The following IMPG2 variants were observed in gnomAD, a reference collection of about 807,000 sequenced individuals.
IMPG2 encodes the protein IPM 200.
A neutral mutation model predicts 129.2 loss-of-function variants in IMPG2; 91 were observed. The observed-to-expected ratio is 0.70, with a 90% CI of 0.59 to 0.84. The LOEUF (loss-of-function observed/expected upper bound fraction) is 0.84. Among genes scored for constraint, IMPG2 ranks in the 40% least tolerant of loss-of-function variants. The pLI, the probability that IMPG2 is intolerant of heterozygous loss-of-function variation, is 0.00. For synonymous variants in IMPG2, 510 were observed against 517.7 expected (o/e 0.99, Z 0.20); for missense variants, 1,430 against 1,461.7 (o/e 0.98, Z 0.35).
At chr3:101,267,433 C>G in intron 9 of IMPG2, 78 bp downstream of exon 9, 1 of 1,191,826 alleles carries the variant, frequency 8.4e-7, no homozygotes. Flanking sequence ...GAGTTATGCT[C>G]CCCTGGACCT....
chr3:101,268,550 T>G (rs1222665846), intron 8 of IMPG2, among the ~76,000 whole-genome samples: 1 of 152,164 alleles, frequency 6.6e-6, no homozygotes, highest in Non-Finnish European at 1.5e-5. Context: ...GTTTCCTTAT[T>G]GGAAAATATG....
Position 101,244,660 on chromosome 3 carries a change from A to G in IMPG2, c.1671T>C (p.Ser557=), listed in dbSNP as rs1178947132. 1.9e-6 allele frequency: 3 copies of G among 1,613,958 alleles called. No individual in the cohort carries two copies. The African/African-American group carries it at 4.0e-5, about 22-fold the overall frequency. The change falls in exon 13 of 19, where the codon TCT becomes TCC. Residue 557 remains serine (S), a synonymous_variant. Transcript: ENST00000193391. ...GTATAGAAGAGGTCAGATATGGTGA[A>G]GATGTTAAGGACACATCAGAGTCTT... ...SMEDSDVSLT[S]SPYLTSSIPF... is the part of the protein sequence containing the mutation.
intron 2 of IMPG2, among the ~76,000 whole-genome samples, chr3:101,316,271 G>A (rs895139068): frequency 6.6e-6 from 1 of 151,976 alleles, no homozygotes; most frequent in Admixed American, 6.6e-5. Flanking sequence ...TTTATCAAAT[G>A]TTAAAACTTC....
chr3:101,311,959 CA>C (rs1707266676), intron 2 of IMPG2, among the ~76,000 whole-genome samples: 1 of 151,758 alleles, frequency 6.6e-6, no homozygotes, highest in Non-Finnish European at 1.5e-5. Context: ...GCCTTTTCGA[CA>C]AATGGTGCTT....
rs756868988 is a variant in IMPG2 at position 101,257,736 on chromosome 3, C to T, written c.946G>A (p.Glu316Lys). Residue 316 changes from glutamate to lysine, a missense_variant, in exon 10 of 19, where the codon GAG becomes AAG. Physicochemically the swap from Glu to Lys is moderately conservative, Grantham distance 56. Transcript: ENST00000193391. ...TCCCAGGTGGTATTGCTGATGGCCT[C>T]ACCATTGAAGGTAACTGCATAGTAA... is the stretch of plus-strand genomic sequence containing the variant. Reference protein sequence around the residue: ...DVYYAVTFNGEAISNTTWDLI... With the variant: ...DVYYAVTFNGKAISNTTWDLI... 5 of 1,613,230 alleles carry T rather than the reference C, an allele frequency of 3.1e-6. No homozygotes were observed. Among genetic ancestry groups the T allele is most frequent in the South Asian group, 2.2e-5 (2 of 91,064 alleles).
intron 3 of IMPG2, 68 bp from the exon 4 acceptor site, chr3:101,291,578 T>C (rs766699401): frequency 9.4e-5 from 109 of 1,164,106 alleles, no homozygotes; most frequent in Non-Finnish European, 1.3e-4. Flanking sequence ...TAAAACTTAT[T>C]TCATAGAGAC....
intron 2 of IMPG2, among the ~76,000 whole-genome samples, chr3:101,312,639 T>C (rs771037047): frequency 1.3e-5 from 2 of 152,078 alleles, no homozygotes; most frequent in African/African-American, 2.4e-5. Flanking sequence ...AAAGTTACTA[T>C]ATGACCCAGA....
At chr3:101,273,420 G>A (rs1706808144) in intron 7 of IMPG2, among the ~76,000 whole-genome samples, 161 bp downstream of exon 7, 1 of 152,182 alleles carries the variant, frequency 6.6e-6, no homozygotes, top group African/African-American at 2.4e-5. Context: ...TCTGTCCTAT[G>A]ACTTTTCACA....
Position 101,257,695 on chromosome 3 carries a change from G to A in IMPG2, c.987C>T (p.His329=). The A allele has an allele frequency of 6.2e-7, 1 of 1,613,460 alleles. No homozygotes were observed. The highest frequency in any genetic ancestry group is 8.5e-7 in the Non-Finnish European group (1 of 1,179,576). Reference sequence around the variant, plus strand: ...GGCCATGGTTTTCCACCTTGTTGGAGTGAAGGCTAATGAGGTCCCAGGTGG... The same window carrying A: ...GGCCATGGTTTTCCACCTTGTTGGAATGAAGGCTAATGAGGTCCCAGGTGG... The part of the protein sequence containing the change: ...SNTTWDLISL[H]SNKVENHGLV... Residue 329 remains histidine, a synonymous_variant, in exon 10 of 19, where the codon CAC becomes CAT. Transcript: ENST00000193391.
chr3:101,275,859 T>C (rs536435734), intron 5 of IMPG2, 114 bp from the exon 6 acceptor site: 27 of 799,392 alleles, frequency 3.4e-5, no homozygotes, highest in African/African-American at 2.4e-4. Flanking sequence ...GTTTGTTTTA[T>C]TGTCCTGGAA....
At position 101,243,752 on chromosome 3, in the gene IMPG2, C is replaced by T. The variant is rs147205911; in HGVS notation, c.2579G>A (p.Gly860Asp). 1.5e-5 allele frequency: 25 copies of T among 1,613,756 alleles called. No homozygotes were observed. In the South Asian group the frequency reaches 2.3e-4, roughly 15 times the overall value. ...CATTTCCACATAACTACCAACCTTG[C>T]CATTTTGCTCTTGGACTTGCTCAGG... is the stretch of plus-strand genomic sequence containing the variant. ...YQPEQVQEQN[G>D]KVGSYVEMST... The change falls in exon 13 of 19, where the codon GGC becomes GAC. Residue 860 changes from glycine (G) to aspartate (D), a missense_variant. By Grantham distance (94) the Gly-to-Asp change is moderately conservative. Coordinates refer to ENST00000193391, the MANE Select transcript of IMPG2 (RefSeq NM_016247.4).
intron 3 of IMPG2, among the ~76,000 whole-genome samples, chr3:101,294,460 T>G (rs1162224093): frequency 6.6e-6 from 1 of 152,214 alleles, no homozygotes; most frequent in African/African-American, 2.4e-5. Flanking sequence ...CCATGGTGTA[T>G]ACGCACCACG....
At chr3:101,283,241 T>C (rs534839652) in intron 4 of IMPG2, among the ~76,000 whole-genome samples, 1 of 152,208 alleles carries the variant, frequency 6.6e-6, no homozygotes, top group East Asian at 1.9e-4. Flanking sequence ...GCCAGGCTGG[T>C]CTTGAACTCC....
intron 6 of IMPG2, among the ~76,000 whole-genome samples, chr3:101,274,984 C>A (rs528289595): frequency 7.9e-5 from 12 of 151,692 alleles, no homozygotes; most frequent in Non-Finnish European, 1.8e-4. Flanking sequence ...GTTAAAATGT[C>A]CACGTTGGGA....
At chr3:101,299,874 C>A (rs922853707) in intron 3 of IMPG2, among the ~76,000 whole-genome samples, 1 of 152,152 alleles carries the variant, frequency 6.6e-6, no homozygotes, top group Non-Finnish European at 1.5e-5. Flanking sequence ...AGGGTCTCAC[C>A]CAGTTGGGTG....
rs150309999 is a variant in IMPG2 at position 101,256,000 on chromosome 3, T to C, written c.1153+1529A>G. 9.8e-4 allele frequency among the ~76,000 whole-genome samples: 143 copies of C among 145,632 alleles called. 1 individual carries two copies. The highest frequency in any genetic ancestry group is 3.5e-3 in the African/African-American group (136 of 39,152). Reference sequence around the variant, plus strand: ...CAGAGTGTCACATTAAAAAAAACGTTAGTCCAGCAGCCAAAATAGTTGAAA... The same window carrying C: ...CAGAGTGTCACATTAAAAAAAACGTCAGTCCAGCAGCCAAAATAGTTGAAA... On this transcript the variant is annotated intron_variant, in intron 10 of 18. Transcript: ENST00000193391.
chr3:101,293,995 T>C (rs1707050681), intron 3 of IMPG2, among the ~76,000 whole-genome samples: 1 of 152,198 alleles, frequency 6.6e-6, no homozygotes, highest in Non-Finnish European at 1.5e-5. Flanking sequence ...TAAAACTTTC[T>C]CCATATCAGC....
intron 4 of IMPG2, among the ~76,000 whole-genome samples, chr3:101,281,809 C>T (rs544251349): frequency 1.3e-5 from 2 of 152,078 alleles, no homozygotes; most frequent in Non-Finnish European, 2.9e-5. Flanking sequence ...GAGACTCCAC[C>T]GGCCATTGCT....
rs372193539 is a variant in IMPG2 at position 101,244,370 on chromosome 3, T to G, written c.1961A>C (p.Lys654Thr). 13 of 1,614,042 alleles carry G rather than the reference T, an allele frequency of 8.1e-6. No homozygotes were observed. The highest frequency in any genetic ancestry group is 1.1e-5 in the Non-Finnish European group (13 of 1,180,014). The part of the protein sequence containing the change: ...IEDKKLVLVD[K>T]MDSTDQISKH... Reference sequence around the variant, plus strand: ...ACTAATTTGGTCTGTGGAATCCATTTTGTCAACTAAAACTAGTTTCTTGTC... The same window carrying G: ...ACTAATTTGGTCTGTGGAATCCATTGTGTCAACTAAAACTAGTTTCTTGTC... The change falls in exon 13 of 19, where the codon AAA becomes ACA. Residue 654 changes from lysine (K) to threonine (T), a missense_variant. Coordinates refer to ENST00000193391, the MANE Select transcript of IMPG2 (RefSeq NM_016247.4).
Sources: gnomAD v4.1 joint callset for allele counts (sites outside exome capture counted in the v4.1 genomes callset) on GRCh38, gnomAD v4.1.1 for gene constraint, MANE v1.5 for transcripts, NCBI Gene and HGNC (gene_info 2026-07-23, HGNC 2026-07-21) for gene names.